Variants in SNTG1 observed in about 807,000 individuals in gnomAD.
SNTG1 encodes syntrophin gamma 1, also known as gamma-1-syntrophin.
SNTG1 carries 39 observed loss-of-function variants against 74.7 expected under a neutral mutation model. The observed-to-expected ratio is 0.52, with a 90% CI of 0.40 to 0.68. The LOEUF (loss-of-function observed/expected upper bound fraction) is 0.68. SNTG1 is among the 30% of genes least tolerant of loss of function. The pLI is 0.00. For missense variants in SNTG1, 685 were observed against 609.5 expected (o/e 1.12, Z -1.30); for synonymous variants, 254 against 217.1 (o/e 1.17, Z -1.49).
chr8:50,049,627 C>A (rs1386446957), intron 1 of SNTG1, among the ~76,000 whole-genome samples: 2 of 152,010 alleles, frequency 1.3e-5, no homozygotes, highest in Non-Finnish European at 2.9e-5. Flanking sequence ...TAAGCAGCAC[C>A]TCAATCAACT....
chr8:50,259,414 A>G (rs2087043493), intron 2 of SNTG1, among the ~76,000 whole-genome samples: 1 of 151,072 alleles, frequency 6.6e-6, no homozygotes, highest in Admixed American at 6.6e-5. Context: ...CAGGAGAATC[A>G]CTTGAACCTG....
At chr8:50,142,473 G>A (rs1336826321) in intron 1 of SNTG1, among the ~76,000 whole-genome samples, 1 of 122,642 alleles carries the variant, frequency 8.2e-6, no homozygotes, top group Non-Finnish European at 1.6e-5. Flanking sequence ...CAATTAAAAA[G>A]ATTATATATA....
chr8:50,378,128 G>A (rs1182533008), intron 2 of SNTG1, among the ~76,000 whole-genome samples: 1 of 152,228 alleles, frequency 6.6e-6, no homozygotes, highest in East Asian at 1.9e-4. Flanking sequence ...GGGTGTGTGA[G>A]TGAGCACGGG....
intron 12 of SNTG1, among the ~76,000 whole-genome samples, chr8:50,574,970 A>T (rs2094568890): frequency 6.6e-6 from 1 of 152,152 alleles, no homozygotes; most frequent in East Asian, 1.9e-4. Context: ...AATGGTTTTA[A>T]TCTATTGATG....
At chr8:50,176,996 T>C (rs1324091991) in intron 2 of SNTG1, among the ~76,000 whole-genome samples, 1 of 152,114 alleles carries the variant, frequency 6.6e-6, no homozygotes, top group African/African-American at 2.4e-5. Context: ...GCCGTGCAGG[T>C]AAAGGCCATT....
At chr8:50,254,948 CTTT>C (rs4006072) in intron 2 of SNTG1, among the ~76,000 whole-genome samples, 2,474 of 85,358 alleles carry the variant, frequency 0.029, 20 homozygotes, top group Non-Finnish European at 0.044. Context: ...TTTATTGCCA[CTTT>C]TTTTTTTTTT....
chr8:50,606,615 C>A (rs1358175953), intron 13 of SNTG1, among the ~76,000 whole-genome samples: 1 of 100,008 alleles, frequency 1.0e-5, no homozygotes, highest in Non-Finnish European at 1.9e-5. Context: ...CAGTATAATG[C>A]AGAATGTAAC....
intron 1 of SNTG1, among the ~76,000 whole-genome samples, chr8:49,944,259 C>T (rs180909020): frequency 6.6e-6 from 1 of 152,152 alleles, no homozygotes; most frequent in African/African-American, 2.4e-5. Flanking sequence ...TTGACTTTGA[C>T]TTTATAGAGC....
At chr8:50,560,690 G>A (rs112276473) in intron 12 of SNTG1, among the ~76,000 whole-genome samples, 1 of 152,030 alleles carries the variant, frequency 6.6e-6, no homozygotes, top group Admixed American at 6.6e-5. Context: ...GACACATCGG[G>A]GGAACAACAC....
chr8:50,382,342 A>G (rs574976139), intron 2 of SNTG1: 1 of 151,566 alleles, frequency 6.6e-6, no homozygotes, highest in East Asian at 1.9e-4. Context: ...TCTGGAACTT[A>G]TCATGTTATT....
At chr8:50,212,499 G>T (rs1488679860) in intron 2 of SNTG1, among the ~76,000 whole-genome samples, 4 of 152,096 alleles carry the variant, frequency 2.6e-5, no homozygotes, top group Non-Finnish European at 5.9e-5. Flanking sequence ...AGTAATGTGT[G>T]ATGTATACAG....
At chr8:50,759,491 T>C (rs1157703676) in intron 18 of SNTG1, among the ~76,000 whole-genome samples, 1 of 152,070 alleles carries the variant, frequency 6.6e-6, no homozygotes, top group Middle Eastern at 3.2e-3. Flanking sequence ...TTGTATAAAG[T>C]GTAAAGAAGG....
At chr8:50,716,945 C>A (rs1371397499) in intron 17 of SNTG1, among the ~76,000 whole-genome samples, 1 of 151,902 alleles carries the variant, frequency 6.6e-6, no homozygotes, top group African/African-American at 2.4e-5. Flanking sequence ...ACCGTGTTAG[C>A]TAGGATGGAC....
intron 2 of SNTG1, among the ~76,000 whole-genome samples, chr8:50,190,057 T>C (rs956352157): frequency 6.6e-6 from 1 of 152,144 alleles, no homozygotes; most frequent in Non-Finnish European, 1.5e-5. Flanking sequence ...GTAGCTTTCA[T>C]TCATTTATTA....
At chr8:50,400,248 G>A (rs1358253174) in intron 3 of SNTG1, among the ~76,000 whole-genome samples, 2 of 152,168 alleles carry the variant, frequency 1.3e-5, no homozygotes, top group Admixed American at 6.5e-5. Flanking sequence ...ACATGTAAGT[G>A]ATATAATATG....
chr8:50,139,348 T>C (rs959911441), intron 1 of SNTG1, among the ~76,000 whole-genome samples: 2 of 152,226 alleles, frequency 1.3e-5, no homozygotes, highest in Non-Finnish European at 2.9e-5. Flanking sequence ...GATATTTGTA[T>C]GCATAATTTC....
intron 1 of SNTG1, among the ~76,000 whole-genome samples, chr8:49,967,406 G>A (rs913748100): frequency 6.6e-6 from 1 of 152,154 alleles, no homozygotes; most frequent in Non-Finnish European, 1.5e-5. Flanking sequence ...CTGTAGACAT[G>A]AGACTGTGAA....
intron 13 of SNTG1, among the ~76,000 whole-genome samples, chr8:50,597,406 C>T (rs1301498127): frequency 6.9e-6 from 1 of 145,844 alleles, no homozygotes; most frequent in Non-Finnish European, 1.5e-5. Context: ...TACATATATA[C>T]ATATATACAT....
At chr8:50,438,240 A>G (rs1407390674) in intron 4 of SNTG1, among the ~76,000 whole-genome samples, 2 of 152,206 alleles carry the variant, frequency 1.3e-5, no homozygotes, top group Admixed American at 1.3e-4. Flanking sequence ...TGTGGAAATA[A>G]GAAGAGGTAT....
Sources: gnomAD v4.1 joint callset for allele counts (sites outside exome capture counted in the v4.1 genomes callset) on GRCh38, gnomAD v4.1.1 for gene constraint, MANE v1.5 for transcripts, NCBI Gene and HGNC (gene_info 2026-07-23, HGNC 2026-07-21) for gene names.